The following ZNF624 variants were observed in gnomAD, a reference collection of about 807,000 sequenced individuals.
ZNF624 encodes zinc finger protein 624.
ZNF624 carries 43 observed loss-of-function variants against 74.7 expected under a neutral mutation model. The ratio of observed to expected loss-of-function variants is 0.58; its 90% CI spans 0.45 to 0.74. The LOEUF (loss-of-function observed/expected upper bound fraction) is 0.74. ZNF624 is among the 30% of genes least tolerant of loss of function. ZNF624 has a pLI of 0.00. For synonymous variants in ZNF624, 331 were observed against 341.3 expected (o/e 0.97, Z 0.33); for missense variants, 820 against 1,030.0 (o/e 0.80, Z 2.79).
At chr17:16,645,945 C>CAAAAAAAAAAAAAAA (rs35486112) in intron 3 of ZNF624, among the ~76,000 whole-genome samples, 1 of 56,066 alleles carries the variant, frequency 1.8e-5, no homozygotes, top group East Asian at 5.4e-4. Flanking sequence ...GACTCCATCT[C>CAAAAAAAAAAAAAAA]AAAAAAAAAA....
intron 1 of ZNF624, among the ~76,000 whole-genome samples, chr17:16,653,382 T>C (rs1909774489): frequency 6.6e-6 from 1 of 152,244 alleles, no homozygotes. Flanking sequence ...GGGTATGCCC[T>C]CCTCAGGGCC....
intron 3 of ZNF624, among the ~76,000 whole-genome samples, chr17:16,636,978 C>T (rs1030381409): frequency 6.6e-6 from 1 of 152,124 alleles, no homozygotes; most frequent in Non-Finnish European, 1.5e-5. Flanking sequence ...TAAATGTAAT[C>T]CAGCATATAA....
At chr17:16,620,054 AT>A (rs1457538110), downstream of ZNF624, among the ~76,000 whole-genome samples, 1 of 152,236 alleles carries the variant, frequency 6.6e-6, no homozygotes, top group Admixed American at 6.5e-5. Context: ...CAAATTGTTC[AT>A]TTATGATGGA....
chr17:16,649,926 A>C (rs928555137), intron 1 of ZNF624, among the ~76,000 whole-genome samples, 180 bp from the exon 2 acceptor site: 2 of 152,232 alleles, frequency 1.3e-5, no homozygotes, highest in African/African-American at 4.8e-5. Flanking sequence ...AGCACTGTTA[A>C]CTATAGTCAC....
chr17:16,616,864 G>T, downstream of ZNF624: 1 of 1,337,366 alleles, frequency 7.5e-7, no homozygotes, highest in Non-Finnish European at 1.0e-6. Flanking sequence ...CCTGGAACTC[G>T]ACCTGGACCT....
downstream of ZNF624, among the ~76,000 whole-genome samples, chr17:16,618,464 A>G (rs944403710): frequency 6.6e-6 from 1 of 152,222 alleles, no homozygotes; most frequent in African/African-American, 2.4e-5. Context: ...TGTAATGCCA[A>G]CAAAATCCTA....
intron 3 of ZNF624, among the ~76,000 whole-genome samples, chr17:16,644,205 C>T (rs1240018546): frequency 1.3e-5 from 2 of 152,140 alleles, no homozygotes; most frequent in Non-Finnish European, 2.9e-5. Flanking sequence ...GCCAAATAAA[C>T]CCCTTTTCTT....
rs149476510 is a variant in ZNF624 at position 16,647,347 on chromosome 17, T to C, written c.135A>G (p.Glu45=). The C allele has an allele frequency of 6.2e-7, 1 of 1,614,056 alleles. No individual in the cohort carries two copies. Among genetic ancestry groups the C allele is most frequent in the African/African-American group, 1.3e-5 (1 of 74,946 alleles). The change falls in exon 3 of 6, where the codon GAA becomes GAG. Residue 45 remains glutamate, a synonymous_variant. Transcript: ENST00000311331. ...GTATTACCTTTACCAATTGTGTTTC[T>C]TCTGCCTGAAGGTGAAGATCTTCAT... ...QPDEDLHLQA[E]ETQLVKESVT...
rs774181506 is a variant in ZNF624 at position 16,624,476 on chromosome 17, G to A, written c.410C>T (p.Thr137Ile). The A allele has an allele frequency of 1.5e-5, 23 of 1,586,110 alleles. No homozygotes were observed. The highest frequency in any genetic ancestry group is 2.0e-5 in the Non-Finnish European group (23 of 1,171,160). Residue 137 changes from threonine to isoleucine, a missense_variant, in exon 6 of 6, where the codon ACA becomes ATA. Transcript: ENST00000311331. ...MEPKPATKKA[T>I]RTKAISEDLS... ...ATCTTCAGAAATAGCCTTTGTTCGT[G>A]TAGCCTTCTTGGTTGCAGGTTTGGG...
At chr17:16,629,238 T>C (rs1034813881) in intron 5 of ZNF624, among the ~76,000 whole-genome samples, 14 of 147,176 alleles carry the variant, frequency 9.5e-5, no homozygotes, top group Admixed American at 3.4e-4. Flanking sequence ...CTCTCTCTCT[T>C]TTTTTTTTTA....
chr17:16,622,075 G>A lies in ZNF624; in HGVS notation c.*213C>T. ...AATGAGTAAAGTATGAAATCTGGAT[G>A]AACACTTTCATTTGTTCATTATTTT... On this transcript the variant is annotated 3_prime_UTR_variant, in exon 6 of 6. Coordinates refer to ENST00000311331, the MANE Select transcript of ZNF624 (RefSeq NM_020787.4). 2.7e-6 allele frequency: 1 copy of A among 372,890 alleles called. No individual in the cohort carries two copies. The highest frequency in any genetic ancestry group is 4.7e-6 in the Non-Finnish European group (1 of 210,688). 23.1% of individuals were successfully genotyped at this position (372,890 alleles called of 1,614,324 possible). A position where few individuals can be genotyped will look rare whatever the true frequency, so the allele number is the denominator to read the frequency against.
At chr17:16,633,988 T>G (rs778833023) in intron 4 of ZNF624, 31 bp from the exon 5 acceptor site, 1 of 1,580,278 alleles carries the variant, frequency 6.3e-7, no homozygotes. Context: ...AGGATTTGAT[T>G]GGAGCCATGA....
intron 3 of ZNF624, among the ~76,000 whole-genome samples, chr17:16,641,277 TTCTC>T (rs934197341): frequency 2.6e-5 from 4 of 151,538 alleles, no homozygotes; most frequent in Admixed American, 6.6e-5. Context: ...TTTTCTTTCT[TTCTC>T]TCTCTCTCTC....
downstream of ZNF624, chr17:16,617,502 C>G (rs1434078046): frequency 1.9e-6 from 3 of 1,597,476 alleles, no homozygotes; most frequent in Non-Finnish European, 1.7e-6. Flanking sequence ...GCATAAAATC[C>G]TTTAAATCTC....
chr17:16,625,366 G>A (rs891222285), intron 5 of ZNF624, among the ~76,000 whole-genome samples: 11 of 152,096 alleles, frequency 7.2e-5, no homozygotes, highest in African/African-American at 2.4e-4. Flanking sequence ...ATTTTTAGTA[G>A]AGACGGGGTT....
the ZNF624 span, among the ~76,000 whole-genome samples, chr17:16,615,633 C>G: frequency 2.0e-5 from 3 of 152,094 alleles, no homozygotes; most frequent in African/African-American, 7.2e-5. Flanking sequence ...ATCCTGATAA[C>G]AAACCTCAGA....
At chr17:16,652,486 T>C (rs1909749166) in intron 1 of ZNF624, among the ~76,000 whole-genome samples, 2 of 151,818 alleles carry the variant, frequency 1.3e-5, no homozygotes, top group South Asian at 4.1e-4. Flanking sequence ...ATTAATAAAC[T>C]CTTTGGCAAT....
In ZNF624 at chr17:16,622,442, T is replaced by C. The variant is rs769372284; in HGVS notation, c.2444A>G (p.Lys815Arg). 2.5e-5 allele frequency: 41 copies of C among 1,613,948 alleles called. No individual in the cohort carries two copies. Among genetic ancestry groups the C allele is most frequent in the Non-Finnish European group, 3.4e-5 (40 of 1,179,944 alleles). Residue 815 changes from lysine to arginine, a missense_variant, in exon 6 of 6, where the codon AAA (lysine) becomes AGA (arginine). Lys to Arg is a conservative substitution (Grantham distance 26). Coordinates refer to ENST00000311331, the MANE Select transcript of ZNF624 (RefSeq NM_020787.4). ...AAAGTCTGAGTTAGTTCTGAAGGCTTTTCCACATTCTTCACATTTATAGGG... is the reference window on the plus strand; with the variant it reads ...AAAGTCTGAGTTAGTTCTGAAGGCTCTTCCACATTCTTCACATTTATAGGG... ...ERPYKCEECG[K>R]AFRTNSDFTV...
intron 3 of ZNF624, among the ~76,000 whole-genome samples, chr17:16,639,039 G>T (rs964190350): frequency 5.3e-5 from 8 of 152,168 alleles, no homozygotes; most frequent in Non-Finnish European, 8.8e-5. Flanking sequence ...GCACAGAGAT[G>T]TTAGATGTCT....
Sources: allele counts gnomAD v4.1 joint callset (sites outside exome capture counted in the v4.1 genomes callset), GRCh38; gene constraint gnomAD v4.1.1; transcripts MANE v1.5; gene names NCBI Gene and HGNC (gene_info 2026-07-23, HGNC 2026-07-21).